Variants in PTRH1 observed in about 807,000 individuals in gnomAD.
The protein encoded by PTRH1 is peptidyl-tRNA hydrolase 1 homolog.
A neutral mutation model predicts 15.7 loss-of-function variants in PTRH1; 13 were observed. That is an observed-to-expected ratio of 0.83 (90% CI 0.54 to 1.31). PTRH1 has a LOEUF of 1.31. Ranked by LOEUF, PTRH1 falls within the 40% of genes most tolerant of loss-of-function variation. PTRH1 has a pLI of 0.00. For synonymous variants in PTRH1, 139 were observed against 136.7 expected (o/e 1.02, Z -0.12); for missense variants, 319 against 296.2 (o/e 1.08, Z -0.56).
chr9:127,711,397 T>C (rs781645149), downstream of PTRH1: 1 of 1,614,182 alleles, frequency 6.2e-7, no homozygotes, highest in East Asian at 2.2e-5. Flanking sequence ...TGCAGGAGAA[T>C]GAGCAGCTCA....
downstream of PTRH1, chr9:127,712,150 A>C (rs1337137293): frequency 6.2e-7 from 1 of 1,605,236 alleles, no homozygotes; most frequent in East Asian, 2.2e-5. Context: ...AGGTGGCCCC[A>C]GTCCTGGGGA....
At chr9:127,712,040 T>A, downstream of PTRH1, 2 of 1,518,936 alleles carry the variant, frequency 1.3e-6, no homozygotes, top group African/African-American at 2.7e-5. Flanking sequence ...CCCAGGCCAG[T>A]GACTTCCCCT....
At chr9:127,694,200 G>A (rs1842534200) in intron 2 of PTRH1, among the ~76,000 whole-genome samples, 2 of 152,046 alleles carry the variant, frequency 1.3e-5, no homozygotes, top group South Asian at 4.1e-4. Flanking sequence ...CCAAACTGCT[G>A]GGATTACAGG....
downstream of PTRH1, chr9:127,709,753 T>C: frequency 6.5e-7 from 1 of 1,547,214 alleles, no homozygotes; most frequent in Non-Finnish European, 8.8e-7. This position sits in a 1 kb window ranked among gnomAD's most constrained non-coding sequence, Gnocchi z 4.7. Context: ...TCACTGACCC[T>C]GTTTCTCACC....
rs778456727 is a variant in PTRH1 at position 127,715,541 on chromosome 9, C to G, written c.96+3G>C. On this transcript the variant is annotated splice_donor_region_variant and intron_variant, in intron 1 of 4. Transcript: ENST00000543175. This position sits in a 1 kb window ranked among gnomAD's most constrained non-coding sequence, Gnocchi z 5.8. ...CCCTACGTCGCCGCCCCACGCCACT[C>G]ACCATCCACCGCTTCCCCGGGGGGC... The G allele has an allele frequency of 6.2e-7, 1 of 1,613,480 alleles. No homozygotes were observed. Among genetic ancestry groups the G allele is most frequent in the Non-Finnish European group, 8.5e-7 (1 of 1,180,032 alleles).
At chr9:127,698,272 G>A (rs970039102) in intron 1 of PTRH1, among the ~76,000 whole-genome samples, 1 of 152,092 alleles carries the variant, frequency 6.6e-6, no homozygotes, top group African/African-American at 2.4e-5. Context: ...AATGGGCAAA[G>A]GATTTGAATA....
At chr9:127,710,275 C>T (rs1270219099), downstream of PTRH1, among the ~76,000 whole-genome samples, 4 of 146,020 alleles carry the variant, frequency 2.7e-5, no homozygotes, top group African/African-American at 1.0e-4. Flanking sequence ...AGAGGAAGAC[C>T]CTGTCTCAAA....
At chr9:127,710,068 C>G (rs998112227), downstream of PTRH1, among the ~76,000 whole-genome samples, 1 of 152,114 alleles carries the variant, frequency 6.6e-6, no homozygotes, top group Non-Finnish European at 1.5e-5. Context: ...AGCCCAGGAG[C>G]TTGAGACAAG....
downstream of PTRH1, chr9:127,712,006 G>A (rs1842777164): frequency 1.3e-6 from 2 of 1,561,094 alleles, no homozygotes; most frequent in African/African-American, 1.3e-5. Context: ...CCAAGCTCTG[G>A]CCCAGCTCTT....
In PTRH1 at chr9:127,714,113, G is replaced by GA; in HGVS notation, c.631dup (p.Ser211PhefsTer54). 6.2e-7 allele frequency: 1 copy of GA among 1,613,092 alleles called. No homozygotes were observed. On this transcript the variant is annotated frameshift_variant, in exon 5 of 5. Coordinates refer to ENST00000543175, the MANE Select transcript of PTRH1 (RefSeq NM_001002913.3). LOFTEE classifies it high-confidence loss of function. ...TGGCCACTAGTGTCACGGCCCCAGT[G>GA]AGGGCCCCTGGCTTCGCTCACGGAT...
intron 1 of PTRH1, among the ~76,000 whole-genome samples, chr9:127,706,058 C>G (rs1178451544): frequency 1.3e-5 from 2 of 152,224 alleles, no homozygotes; most frequent in East Asian, 3.8e-4. Context: ...ATCCCTGGAC[C>G]GTATCCCTGC....
In PTRH1 at chr9:127,713,823, T is replaced by C; in HGVS notation, c.*277A>G. On this transcript the variant is annotated 3_prime_UTR_variant, in exon 5 of 5. Coordinates refer to ENST00000543175, the MANE Select transcript of PTRH1 (RefSeq NM_001002913.3). ...CACCCGGCCTCCAAGCCAGCATCTT[T>C]AATCTTACAGATGCGTGCCCCTGGT... The C allele has an allele frequency of 6.2e-7, 1 of 1,613,476 alleles. No individual in the cohort carries two copies. Among genetic ancestry groups the C allele is most frequent in the South Asian group, 1.1e-5 (1 of 91,068 alleles).
intron 1 of PTRH1, among the ~76,000 whole-genome samples, chr9:127,701,850 G>T (rs1016553577): frequency 3.3e-5 from 5 of 151,370 alleles, no homozygotes; most frequent in Non-Finnish European, 7.4e-5. Flanking sequence ...GTAGGCAGAG[G>T]TTGCAGTGAG....
intron 3 of PTRH1, 68 bp from the exon 4 acceptor site, chr9:127,714,492 C>G (rs1842867255): frequency 6.2e-7 from 1 of 1,602,360 alleles, no homozygotes; most frequent in African/African-American, 1.3e-5. Context: ...CTCCCTGCCC[C>G]GGCTGGGTCA....
rs762515935 is a variant in PTRH1 at position 127,714,282 on chromosome 9, C to T, written c.463G>A (p.Ala155Thr). Residue 155 changes from alanine to threonine, a missense_variant and splice_region_variant, in exon 5 of 5, where the codon GCA (alanine) becomes ACA (threonine). Physicochemically the swap from Ala to Thr is moderately conservative, Grantham distance 58. Transcript: ENST00000543175. The stretch of plus-strand genomic sequence containing the variant: ...ATACCCACCCGCAGCCTTGGCATTG[C>T]CTGTGGGAGAGCCAGAGAGGCCCAG... ...RSCISCLNSN[A>T]MPRLRVGIGR... 3 of 1,614,014 alleles carry T rather than the reference C, an allele frequency of 1.9e-6. No homozygotes were observed. Among genetic ancestry groups the T allele is most frequent in the Non-Finnish European group, 2.5e-6 (3 of 1,179,932 alleles).
intron 2 of PTRH1, 34 bp downstream of exon 2, chr9:127,714,941 G>GCCC: frequency 4.9e-5 from 22 of 446,362 alleles, no homozygotes; most frequent in South Asian, 8.4e-5. Flanking sequence ...CACCCCCTTG[G>GCCC]CCCGCCCGCC....
intron 1 of PTRH1, among the ~76,000 whole-genome samples, chr9:127,706,060 T>TA (rs1419992979): frequency 6.6e-6 from 1 of 152,264 alleles, no homozygotes; most frequent in African/African-American, 2.4e-5. Context: ...CCCTGGACCG[T>TA]ATCCCTGCAC....
At chr9:127,710,668 G>A, downstream of PTRH1, 3 of 1,584,272 alleles carry the variant, frequency 1.9e-6, no homozygotes, top group Non-Finnish European at 2.6e-6. Context: ...AGTTCACATT[G>A]CTGGAGGAGC....
At chr9:127,704,520 AAAAG>A (rs1220470103) in intron 1 of PTRH1, among the ~76,000 whole-genome samples, 4 of 151,716 alleles carry the variant, frequency 2.6e-5, no homozygotes, top group Admixed American at 2.0e-4. Flanking sequence ...AAAAAAAAAA[AAAAG>A]AAAAGAAAAA....
Sources: gnomAD v4.1 joint callset for allele counts (sites outside exome capture counted in the v4.1 genomes callset) on GRCh38, gnomAD v4.1.1 for gene constraint, Gnocchi (gnomAD v3.1) non-coding constraint, MANE v1.5 for transcripts, NCBI Gene and HGNC (gene_info 2026-07-23, HGNC 2026-07-21) for gene names.